The following PCNX2 variants were observed in gnomAD, a reference collection of about 807,000 sequenced individuals.
PCNX2 encodes the protein pecanex 2.
PCNX2 carries 168 observed loss-of-function variants against 223.8 expected under a neutral mutation model. The ratio of observed to expected loss-of-function variants is 0.75; its 90% CI spans 0.66 to 0.85. PCNX2 has a LOEUF of 0.85. Ranked by LOEUF, PCNX2 falls within the 40% of genes least tolerant of loss-of-function variation. The pLI is 0.00. For missense variants in PCNX2, 2,507 were observed against 2,675.5 expected (o/e 0.94, Z 1.39); for synonymous variants, 1,006 against 1,052.6 (o/e 0.96, Z 0.86).
At chr1:233,132,093 C>G (rs551497862) in intron 21 of PCNX2, among the ~76,000 whole-genome samples, 2 of 152,026 alleles carry the variant, frequency 1.3e-5, no homozygotes, top group Non-Finnish European at 2.9e-5. Context: ...CCCGCCACCA[C>G]GCCCGGCTAA....
chr1:233,231,538 A>C (rs2102952858), intron 9 of PCNX2: 2 of 740,470 alleles, frequency 2.7e-6, no homozygotes, highest in South Asian at 6.1e-5. Context: ...GATGGTTTTA[A>C]ATTATTGGCC....
At chr1:233,055,518 C>T (rs1672160908) in intron 24 of PCNX2, among the ~76,000 whole-genome samples, 1 of 151,944 alleles carries the variant, frequency 6.6e-6, no homozygotes, top group Admixed American at 6.6e-5. Context: ...TGGGATCTCT[C>T]AAGATGAGGG....
chr1:233,295,475 C>A lies in PCNX2; in HGVS notation c.4G>T (p.Val2Leu). The change falls in exon 1 of 34, where the codon GTG becomes TTG. Residue 2 changes from valine to leucine, a missense_variant. Physicochemically the swap from Val to Leu is conservative, Grantham distance 32. Transcript: ENST00000258229. The surrounding 1 kb of genome is among the most constrained non-coding windows in gnomAD (Gnocchi z 4.1). ...CGGAGCAGCTGCAGCACCTGGGACA[C>A]CATGCCGGCTGCGCCCCGGGGCTGG... M[V>L]SQVLQLLRQG... 6.5e-7 allele frequency: 1 copy of A among 1,547,996 alleles called. No individual in the cohort carries two copies. The highest frequency in any genetic ancestry group is 8.7e-7 in the Non-Finnish European group (1 of 1,145,716).
chr1:233,285,834 T>C (rs1661420000), intron 1 of PCNX2, among the ~76,000 whole-genome samples: 1 of 152,236 alleles, frequency 6.6e-6, no homozygotes. Flanking sequence ...TCTTCAATAG[T>C]GACTAGTCAA....
chr1:233,153,123 G>A (rs1462228511), intron 19 of PCNX2, among the ~76,000 whole-genome samples: 3 of 152,206 alleles, frequency 2.0e-5, no homozygotes, highest in African/African-American at 7.2e-5. Flanking sequence ...AGCAGTGGAT[G>A]CTGGAAGACA....
chr1:233,182,593 G>A (rs1679866859), intron 15 of PCNX2, among the ~76,000 whole-genome samples: 1 of 152,114 alleles, frequency 6.6e-6, no homozygotes, highest in Non-Finnish European at 1.5e-5. Flanking sequence ...CACAGGCGAT[G>A]CATAAGCCCA....
In PCNX2 at chr1:233,253,664, T is replaced by C. The variant is rs1659579973; in HGVS notation, c.1835-876A>G. Among the ~76,000 whole-genome samples, 1 of 152,238 alleles carries C rather than the reference T, an allele frequency of 6.6e-6. No individual in the cohort carries two copies. The highest frequency in any genetic ancestry group is 2.4e-5 in the African/African-American group (1 of 41,464). Reference sequence around the variant, plus strand: ...CCCGGCCTGCTGATTTTGAACAATATGCTTAGCACTGTGTAGGACACAGAG... The same window carrying C: ...CCCGGCCTGCTGATTTTGAACAATACGCTTAGCACTGTGTAGGACACAGAG... On this transcript the variant is annotated intron_variant, in intron 5 of 33. Coordinates refer to ENST00000258229, the MANE Select transcript of PCNX2 (RefSeq NM_014801.4). This position sits in a 1 kb window ranked among gnomAD's most constrained non-coding sequence, Gnocchi z 4.2.
At chr1:233,178,156 A>G (rs776733489) in intron 16 of PCNX2, among the ~76,000 whole-genome samples, 1 of 152,214 alleles carries the variant, frequency 6.6e-6, no homozygotes, top group African/African-American at 2.4e-5. Context: ...GACATGGGGA[A>G]GGTCCTCCAT....
At chr1:233,053,239 C>G (rs1233098817) in intron 25 of PCNX2, among the ~76,000 whole-genome samples, 2 of 151,998 alleles carry the variant, frequency 1.3e-5, no homozygotes, top group Non-Finnish European at 2.9e-5. Context: ...CGCTGGTCAG[C>G]CCTAGTCACT....
the PCNX2 span, among the ~76,000 whole-genome samples, chr1:233,313,218 GC>G: frequency 5.9e-5 from 9 of 152,220 alleles, no homozygotes; most frequent in Admixed American, 5.9e-4. Context: ...TGGGCTTCTG[GC>G]AATGCTCCGC....
intron 1 of PCNX2, chr1:233,288,993 C>A: frequency 6.6e-7 from 1 of 1,503,892 alleles, no homozygotes. Context: ...CTTCATGAGC[C>A]GGCTGCCATC....
intron 23 of PCNX2, among the ~76,000 whole-genome samples, chr1:233,081,956 C>G (rs1037012873): frequency 2.0e-5 from 3 of 151,946 alleles, no homozygotes; most frequent in Admixed American, 1.3e-4. Context: ...TTTTAAGGCT[C>G]TCATGGGCAA....
At chr1:233,251,872 C>T (rs887063538) in intron 7 of PCNX2, among the ~76,000 whole-genome samples, 3 of 152,208 alleles carry the variant, frequency 2.0e-5, no homozygotes, top group Non-Finnish European at 4.4e-5. Context: ...TATTTTAAAT[C>T]CTTTTTATAA....
intron 8 of PCNX2, among the ~76,000 whole-genome samples, chr1:233,238,815 G>A (rs1001394250): frequency 1.3e-5 from 2 of 152,080 alleles, no homozygotes; most frequent in African/African-American, 4.8e-5. Flanking sequence ...TCAGGGTTTA[G>A]GACGTGAACC....
chr1:233,015,257 A>G (rs939900710), intron 27 of PCNX2, among the ~76,000 whole-genome samples: 1 of 152,190 alleles, frequency 6.6e-6, no homozygotes, highest in South Asian at 2.1e-4. Flanking sequence ...CAACCAAATT[A>G]AAGGAATCTT....
At chr1:233,010,141 T>C (rs1286219367) in intron 28 of PCNX2, among the ~76,000 whole-genome samples, 6 of 152,220 alleles carry the variant, frequency 3.9e-5, no homozygotes, top group Non-Finnish European at 7.3e-5. Context: ...TGACCCACTG[T>C]GACATGACAG....
intron 32 of PCNX2, among the ~76,000 whole-genome samples, chr1:232,996,254 C>T (rs1401637339): frequency 2.0e-5 from 3 of 152,160 alleles, no homozygotes; most frequent in Admixed American, 1.3e-4. Context: ...CTGCCCACCC[C>T]GCAGCCACAC....
At chr1:233,019,023 C>G (rs1476209124) in intron 26 of PCNX2, 1 of 985,278 alleles carries the variant, frequency 1.0e-6, no homozygotes, top group Non-Finnish European at 1.2e-6. Flanking sequence ...TCTTCCCTCC[C>G]TCTGTCTGGG....
rs1035173520 is a variant in PCNX2 at position 233,295,027 on chromosome 1, C to T, written c.153+299G>A. 1.3e-5 allele frequency among the ~76,000 whole-genome samples: 2 copies of T among 152,146 alleles called. No individual in the cohort carries two copies. On this transcript the variant is annotated intron_variant, in intron 1 of 33. Coordinates refer to ENST00000258229, the MANE Select transcript of PCNX2 (RefSeq NM_014801.4). This position sits in a 1 kb window ranked among gnomAD's most constrained non-coding sequence, Gnocchi z 4.1. ...TCTAAGGCCTAGAGTTACCCACCTA[C>T]AAAACAGGCTGCACGCTCCCTGCCA...
Sources: allele counts gnomAD v4.1 joint callset (sites outside exome capture counted in the v4.1 genomes callset), GRCh38; gene constraint gnomAD v4.1.1; non-coding constraint Gnocchi (gnomAD v3.1); transcripts MANE v1.5; gene names NCBI Gene and HGNC (gene_info 2026-07-23, HGNC 2026-07-21).